The following CFDP1 variants were observed in gnomAD, a reference collection of about 807,000 sequenced individuals.
The protein encoded by CFDP1 is heterochromatin-stabilizing protein CFDP1.
In CFDP1, 31 loss-of-function variants were observed where a neutral mutation model predicts 40.1. The observed-to-expected ratio is 0.77, with a 90% CI of 0.58 to 1.04. The LOEUF (loss-of-function observed/expected upper bound fraction) is 1.04, where lower values mean the gene tolerates loss of function less well. Among genes scored for constraint, CFDP1 ranks in the 50% least tolerant of loss-of-function variants. The pLI, the probability that CFDP1 is intolerant of heterozygous loss-of-function variation, is 0.00. For missense variants in CFDP1, 423 were observed against 343.4 expected (o/e 1.23, Z -1.83); for synonymous variants, 167 against 120.0 (o/e 1.39, Z -2.56).
At chr16:75,312,655 T>C (rs2078300747) in intron 5 of CFDP1, among the ~76,000 whole-genome samples, 1 of 152,180 alleles carries the variant, frequency 6.6e-6, no homozygotes. Context: ...AGAAACATAT[T>C]ACAGAAAGCC....
intron 5 of CFDP1, among the ~76,000 whole-genome samples, chr16:75,324,136 C>A (rs1384791851): frequency 1.3e-5 from 2 of 151,970 alleles, no homozygotes; most frequent in African/African-American, 4.8e-5. Context: ...GATAAAGATA[C>A]ACAAACAAGC....
At chr16:75,341,894 T>TTCGACAAC in intron 5 of CFDP1, among the ~76,000 whole-genome samples, 1 of 152,332 alleles carries the variant, frequency 6.6e-6, no homozygotes, top group Non-Finnish European at 1.5e-5. Context: ...TCAAAAGACC[T>TTCGACAAC]AGGTCTTTCG....
At chr16:75,319,169 G>A (rs540244927) in intron 5 of CFDP1, among the ~76,000 whole-genome samples, 6 of 152,220 alleles carry the variant, frequency 3.9e-5, no homozygotes, top group African/African-American at 1.4e-4. Context: ...TCAGACTCCT[G>A]AGTAGCTGGG....
intron 1 of CFDP1, among the ~76,000 whole-genome samples, chr16:75,430,049 G>C (rs1168428095): frequency 2.6e-5 from 4 of 152,210 alleles, no homozygotes; most frequent in African/African-American, 9.7e-5. Flanking sequence ...CTCGGGGTGG[G>C]AGTGCTTCCA....
At chr16:75,372,328 G>A (rs2078758577) in intron 5 of CFDP1, 1 of 152,124 alleles carries the variant, frequency 6.6e-6, no homozygotes, top group Non-Finnish European at 1.5e-5. Flanking sequence ...TTTCATATCT[G>A]TTCATGAATA....
At chr16:75,430,652 T>TG (rs1188749361) in intron 1 of CFDP1, among the ~76,000 whole-genome samples, 1 of 151,684 alleles carries the variant, frequency 6.6e-6, no homozygotes, top group Non-Finnish European at 1.5e-5. Flanking sequence ...TCAGTAGAGA[T>TG]GGGGTTACAC....
At chr16:75,392,711 T>C (rs1292955093) in intron 5 of CFDP1, among the ~76,000 whole-genome samples, 3 of 152,200 alleles carry the variant, frequency 2.0e-5, no homozygotes. Context: ...TTGGCCAGGC[T>C]GGAAAACAGT....
Position 75,305,155 on chromosome 16 carries a change from G to C in CFDP1, c.678C>G (p.Ser226Arg). Residue 226 changes from serine (S) to arginine (R), a missense_variant, in exon 6 of 7, where the codon AGC (serine) becomes AGG (arginine). Coordinates refer to ENST00000283882, the MANE Select transcript of CFDP1 (RefSeq NM_006324.3). ...TCTTGGCACCAATTTTCCCCAAAAGGCTGCTCATGCCACTTGATCTTTTTA... is the reference window on the plus strand; with the variant it reads ...TCTTGGCACCAATTTTCCCCAAAAGCCTGCTCATGCCACTTGATCTTTTTA... ...SGLKRSSGMS[S>R]LLGKIGAKKQ... 6.2e-7 allele frequency: 1 copy of C among 1,614,082 alleles called. No homozygotes were observed. The highest frequency in any genetic ancestry group is 8.5e-7 in the Non-Finnish European group (1 of 1,180,018).
chr16:75,355,587 T>A (rs1343644004), intron 5 of CFDP1, among the ~76,000 whole-genome samples: 1 of 152,194 alleles, frequency 6.6e-6, no homozygotes, highest in South Asian at 2.1e-4. Context: ...TGATATGGTC[T>A]GACTCTGTAT....
chr16:75,404,395 G>C (rs574654823), intron 4 of CFDP1, among the ~76,000 whole-genome samples: 32 of 151,796 alleles, frequency 2.1e-4, no homozygotes, highest in African/African-American at 7.2e-4. Context: ...CTAATTTTTT[G>C]TATTTTTAGT....
Position 75,433,365 on chromosome 16 carries a change from C to A in CFDP1, c.-13G>T. On this transcript the variant is annotated 5_prime_UTR_variant, in exon 1 of 7. Transcript: ENST00000283882. The stretch of plus-strand genomic sequence containing the variant: ...CGAATTCCTCCATGTTGCTGCCGCT[C>A]GACGCTGGTCAAACTCACAAGACCG... 1 of 1,582,640 alleles carries A rather than the reference C, an allele frequency of 6.3e-7. No homozygotes were observed. The highest frequency in any genetic ancestry group is 2.3e-5 in the East Asian group (1 of 43,562).
chr16:75,388,250 T>C (rs929437352), intron 5 of CFDP1, among the ~76,000 whole-genome samples: 18 of 152,238 alleles, frequency 1.2e-4, no homozygotes, highest in African/African-American at 4.3e-4. Flanking sequence ...AAATAATACA[T>C]GTAAAACATT....
At chr16:75,349,882 T>C (rs890584212) in intron 5 of CFDP1, among the ~76,000 whole-genome samples, 1 of 151,402 alleles carries the variant, frequency 6.6e-6, no homozygotes, top group African/African-American at 2.4e-5. Flanking sequence ...TTCATTTTCT[T>C]GTCTAACTGC....
intron 5 of CFDP1, among the ~76,000 whole-genome samples, chr16:75,357,852 T>G (rs1286026283): frequency 6.6e-6 from 1 of 152,230 alleles, no homozygotes; most frequent in Non-Finnish European, 1.5e-5. Context: ...GGCTAACTGT[T>G]TGGTACAAGA....
At chr16:75,328,161 T>G (rs1429987186) in intron 5 of CFDP1, among the ~76,000 whole-genome samples, 3 of 151,094 alleles carry the variant, frequency 2.0e-5, no homozygotes, top group African/African-American at 7.3e-5. Flanking sequence ...TTTTTTTTTT[T>G]TTTAAGAGAC....
chr16:75,361,725 G>T (rs566104715), intron 5 of CFDP1, among the ~76,000 whole-genome samples: 14 of 152,242 alleles, frequency 9.2e-5, no homozygotes, highest in South Asian at 6.2e-4. Flanking sequence ...CAATAGAACT[G>T]TCAAAAGGCA....
At chr16:75,417,005 TA>T (rs200787561) in intron 1 of CFDP1, among the ~76,000 whole-genome samples, 1 of 152,092 alleles carries the variant, frequency 6.6e-6, no homozygotes, top group East Asian at 1.9e-4. Context: ...ACCCCATATC[TA>T]AAAAAAATTT....
At chr16:75,360,278 C>A (rs79679104) in intron 5 of CFDP1, among the ~76,000 whole-genome samples, 81 of 37,920 alleles carry the variant, frequency 2.1e-3, no homozygotes, top group Middle Eastern at 0.028. Flanking sequence ...GGCAAAAAAA[C>A]AATAAAGACC....
At chr16:75,297,275 C>G (rs1483907426) in intron 6 of CFDP1, among the ~76,000 whole-genome samples, 1 of 151,934 alleles carries the variant, frequency 6.6e-6, no homozygotes, top group East Asian at 1.9e-4. Flanking sequence ...CCGCCTCAGC[C>G]TCCCGAAGTG....
Sources: gnomAD v4.1 joint callset for allele counts (sites outside exome capture counted in the v4.1 genomes callset) on GRCh38, gnomAD v4.1.1 for gene constraint, MANE v1.5 for transcripts, NCBI Gene and HGNC (gene_info 2026-07-23, HGNC 2026-07-21) for gene names.